Variants in NRG3 observed in about 807,000 individuals in gnomAD.
NRG3 encodes the protein neuregulin 3, also known as pro-neuregulin-3, membrane-bound isoform.
A neutral mutation model predicts 66.9 loss-of-function variants in NRG3; 31 were observed. That is an observed-to-expected ratio of 0.46 (90% CI 0.35 to 0.63). The LOEUF (loss-of-function observed/expected upper bound fraction) is 0.63. NRG3 is among the 20% of genes least tolerant of loss of function. The pLI is 0.00. For missense variants in NRG3, 910 were observed against 878.9 expected (o/e 1.04, Z -0.45); for synonymous variants, 393 against 359.4 (o/e 1.09, Z -1.06).
At position 81,898,699 on chromosome 10, in the gene NRG3, GTTT is replaced by G. The variant is rs574810616; in HGVS notation, c.823+22547_823+22549del. Among the ~76,000 whole-genome samples the G allele has an allele frequency of 2.1e-5, 3 of 144,598 alleles. No homozygotes were observed. In the South Asian group the frequency reaches 6.5e-4, roughly 32 times the overall value. 94.9% of individuals were successfully genotyped at this position (144,598 alleles called of 152,430 possible). On this transcript the variant is annotated intron_variant, in intron 1 of 8. Coordinates refer to ENST00000372141, the MANE Select transcript of NRG3 (RefSeq NM_001010848.4). ...TAAATAAATAATACGTGTTTGAAGA[GTTT>G]TTTTTTTTTTGTACAAGGGAGAAAT...
chr10:82,140,470 G>A (rs569539131), intron 1 of NRG3, among the ~76,000 whole-genome samples: 2 of 152,102 alleles, frequency 1.3e-5, no homozygotes, highest in East Asian at 1.9e-4. Context: ...AGTCACTGCC[G>A]CAATTTTGTT....
At chr10:82,774,789 A>C (rs1208752094) in intron 3 of NRG3, among the ~76,000 whole-genome samples, 1 of 68,124 alleles carries the variant, frequency 1.5e-5, no homozygotes, top group East Asian at 3.6e-4. Flanking sequence ...GATCCTTTTT[A>C]TTCCCCAGTT....
At chr10:82,530,630 G>C (rs1341802048) in intron 2 of NRG3, among the ~76,000 whole-genome samples, 1 of 151,830 alleles carries the variant, frequency 6.6e-6, no homozygotes, top group Admixed American at 6.6e-5. Flanking sequence ...CCAAAGACAT[G>C]CCTTCTTGAA....
chr10:82,609,058 CT>C (rs1381319971), intron 2 of NRG3, among the ~76,000 whole-genome samples: 1 of 152,108 alleles, frequency 6.6e-6, no homozygotes, highest in Admixed American at 6.6e-5. Flanking sequence ...TAATGTCTCC[CT>C]TCTTTCTATG....
intron 1 of NRG3, among the ~76,000 whole-genome samples, chr10:81,933,924 A>ATTTGACTT (rs1166146727): frequency 6.6e-6 from 1 of 152,222 alleles, no homozygotes; most frequent in Non-Finnish European, 1.5e-5. Flanking sequence ...TGACAGAAAA[A>ATTTGACTT]TTTGACTTTT....
intron 2 of NRG3, among the ~76,000 whole-genome samples, chr10:82,471,676 C>T (rs556309270): frequency 5.9e-5 from 9 of 152,094 alleles, no homozygotes; most frequent in Non-Finnish European, 8.8e-5. Flanking sequence ...TTTGGGAGCC[C>T]GAGGCAGGCA....
intron 2 of NRG3, among the ~76,000 whole-genome samples, chr10:82,566,112 G>A (rs1007090491): frequency 6.6e-6 from 1 of 151,992 alleles, no homozygotes; most frequent in Non-Finnish European, 1.5e-5. Flanking sequence ...TTCCCAGTAC[G>A]TGGCACTTAA....
At chr10:82,983,907 G>A (rs1853179352) in intron 8 of NRG3, among the ~76,000 whole-genome samples, 1 of 152,154 alleles carries the variant, frequency 6.6e-6, no homozygotes, top group South Asian at 2.1e-4. Flanking sequence ...CCCTGTTTGT[G>A]TTCACTGTCT....
chr10:82,924,904 T>C (rs1331474214), intron 4 of NRG3, among the ~76,000 whole-genome samples: 1 of 152,114 alleles, frequency 6.6e-6, no homozygotes, highest in Non-Finnish European at 1.5e-5. Context: ...CTCCTATAAT[T>C]ATAGGGATAA....
intron 2 of NRG3, among the ~76,000 whole-genome samples, chr10:82,415,184 C>T (rs1005134896): frequency 1.3e-5 from 2 of 152,102 alleles, no homozygotes; most frequent in African/African-American, 4.8e-5. Flanking sequence ...TAAAAATGCT[C>T]AGTGAAGTCT....
chr10:82,025,754 A>C (rs966983302), intron 1 of NRG3, among the ~76,000 whole-genome samples: 2 of 152,126 alleles, frequency 1.3e-5, no homozygotes, highest in Admixed American at 6.6e-5. Context: ...TTTAATGAGC[A>C]TATTGGCAAC....
chr10:82,258,762 A>G (rs2077867370), intron 1 of NRG3, among the ~76,000 whole-genome samples: 1 of 152,172 alleles, frequency 6.6e-6, no homozygotes, highest in Non-Finnish European at 1.5e-5. Flanking sequence ...CAAAGTTTAG[A>G]TGAGGAATGT....
chr10:82,358,496 A>G (rs1402692111), intron 1 of NRG3, among the ~76,000 whole-genome samples: 1 of 152,196 alleles, frequency 6.6e-6, no homozygotes, highest in Non-Finnish European at 1.5e-5. Context: ...CTTGTCCACA[A>G]ATGGGGCTTC....
At chr10:82,301,425 C>T (rs1210599078) in intron 1 of NRG3, among the ~76,000 whole-genome samples, 2 of 152,052 alleles carry the variant, frequency 1.3e-5, no homozygotes, top group African/African-American at 4.8e-5. Flanking sequence ...GGCACTGTTG[C>T]AGGCACGACA....
intron 1 of NRG3, among the ~76,000 whole-genome samples, chr10:82,253,410 G>A (rs532310880): frequency 6.6e-5 from 10 of 152,260 alleles, no homozygotes; most frequent in Non-Finnish European, 1.3e-4. Flanking sequence ...GGGGGAGCTT[G>A]GCTGTATTGT....
chr10:82,360,350 G>A (rs1486364599), intron 2 of NRG3, among the ~76,000 whole-genome samples: 1 of 152,220 alleles, frequency 6.6e-6, no homozygotes, highest in Non-Finnish European at 1.5e-5. Flanking sequence ...CCTCAACCAT[G>A]TTACAGTGGC....
At chr10:81,980,028 C>G (rs891115366) in intron 1 of NRG3, among the ~76,000 whole-genome samples, 1 of 152,222 alleles carries the variant, frequency 6.6e-6, no homozygotes, top group African/African-American at 2.4e-5. Flanking sequence ...TTTTGCCCCA[C>G]TTCCTCATCG....
At chr10:82,286,680 C>T (rs1038647154) in intron 1 of NRG3, among the ~76,000 whole-genome samples, 1 of 152,112 alleles carries the variant, frequency 6.6e-6, no homozygotes, top group Non-Finnish European at 1.5e-5. Context: ...CTCTGCTTCC[C>T]AGGTTCAAGC....
intron 2 of NRG3, among the ~76,000 whole-genome samples, chr10:82,461,737 T>G (rs1366801863): frequency 6.6e-6 from 1 of 152,198 alleles, no homozygotes; most frequent in East Asian, 1.9e-4. Context: ...ACAGGTGCAT[T>G]GAATAACTGA....
Sources: allele counts gnomAD v4.1 joint callset (sites outside exome capture counted in the v4.1 genomes callset), GRCh38; gene constraint gnomAD v4.1.1; transcripts MANE v1.5; gene names NCBI Gene and HGNC (gene_info 2026-07-23, HGNC 2026-07-21).